The following KCNQ3 variants were observed in gnomAD, a reference collection of about 807,000 sequenced individuals.
KCNQ3 encodes potassium voltage-gated channel subfamily Q member 3, also known as potassium voltage-gated channel subfamily KQT member 3.
A neutral mutation model predicts 92.5 loss-of-function variants in KCNQ3; 30 were observed. The ratio of observed to expected loss-of-function variants is 0.32; its 90% CI spans 0.24 to 0.44. KCNQ3 has a LOEUF of 0.44. Ranked by LOEUF, KCNQ3 falls within the 20% of genes least tolerant of loss-of-function variation. The pLI, the probability that KCNQ3 is intolerant of heterozygous loss-of-function variation, is 1.00. For synonymous variants in KCNQ3, 450 were observed against 468.8 expected, an observed-to-expected ratio of 0.96 and a Z score of 0.52; for missense variants, 913 against 1,140.3, an observed-to-expected ratio of 0.80 and a Z score of 2.87.
intron 1 of KCNQ3, among the ~76,000 whole-genome samples, chr8:132,470,515 T>C (rs780731530): frequency 2.0e-5 from 3 of 152,222 alleles, no homozygotes; most frequent in African/African-American, 4.8e-5. Context: ...CATTTGAAAG[T>C]AAGTTGTAAA....
intron 1 of KCNQ3, among the ~76,000 whole-genome samples, chr8:132,232,901 T>C (rs1284182165): frequency 6.6e-6 from 1 of 152,204 alleles, no homozygotes; most frequent in Non-Finnish European, 1.5e-5. Context: ...CTTTCTCGTA[T>C]ACAGATGGAT....
chr8:132,183,873 G>A (rs992767390), intron 3 of KCNQ3, among the ~76,000 whole-genome samples: 6 of 152,206 alleles, frequency 3.9e-5, no homozygotes, highest in South Asian at 2.1e-4. Flanking sequence ...GTCCCAACCC[G>A]TCTGGAAATG....
At position 132,395,247 on chromosome 8, in the gene KCNQ3, T is replaced by G. The variant is rs1820162520; in HGVS notation, c.386+84900A>C. Among the ~76,000 whole-genome samples the G allele has an allele frequency of 2.0e-5, 3 of 152,198 alleles. No homozygotes were observed. In the South Asian group the frequency reaches 6.2e-4, roughly 32 times the overall value. On this transcript the variant is annotated intron_variant, in intron 1 of 14. Coordinates refer to ENST00000388996, the MANE Select transcript of KCNQ3 (RefSeq NM_004519.4). ...ATGAGCATATCCATCATCTCAAACATTTATGATTTCTTTGTGTTGAGAACA... is the reference window on the plus strand; with the variant it reads ...ATGAGCATATCCATCATCTCAAACAGTTATGATTTCTTTGTGTTGAGAACA...
intron 1 of KCNQ3, among the ~76,000 whole-genome samples, chr8:132,344,975 C>T (rs1818640145): frequency 1.3e-5 from 2 of 152,128 alleles, no homozygotes; most frequent in Non-Finnish European, 2.9e-5. Flanking sequence ...TGACCAGTCT[C>T]TCAAGGTCAA....
At chr8:132,166,681 G>A (rs1826152714) in intron 8 of KCNQ3, among the ~76,000 whole-genome samples, 1 of 152,040 alleles carries the variant, frequency 6.6e-6, no homozygotes, top group Non-Finnish European at 1.5e-5. Context: ...ATTATAATTT[G>A]TAATAAAAAA....
At chr8:132,206,470 C>A (rs1813662560) in intron 1 of KCNQ3, among the ~76,000 whole-genome samples, 1 of 152,192 alleles carries the variant, frequency 6.6e-6, no homozygotes, top group South Asian at 2.1e-4. Context: ...AACTCAGAAC[C>A]TAATAAATCA....
At chr8:132,390,340 C>G (rs1280672494) in intron 1 of KCNQ3, among the ~76,000 whole-genome samples, 1 of 152,160 alleles carries the variant, frequency 6.6e-6, no homozygotes, top group African/African-American at 2.4e-5. Context: ...TAGAAAGGGA[C>G]AGTGCAGCAC....
In KCNQ3 at chr8:132,480,425, G is replaced by GGCC. The variant is rs757208144; in HGVS notation, c.105_107dup (p.Ala36dup). ...GCCCCACTTTCCGCTCCTCGTCGCC[G>GGCC]GCCGCCGCCGCGTCCCCTCCGGCTG... On this transcript the variant is annotated inframe_insertion, in exon 1 of 15. Coordinates refer to ENST00000388996, the MANE Select transcript of KCNQ3 (RefSeq NM_004519.4). 2.4e-5 allele frequency: 35 copies of GGCC among 1,466,542 alleles called. No individual in the cohort carries two copies. Among genetic ancestry groups the GGCC allele is most frequent in the Admixed American group, 8.6e-5 (4 of 46,758 alleles). 90.8% of individuals were successfully genotyped at this position (1,466,542 alleles called of 1,614,324 possible). A position where few individuals can be genotyped will look rare whatever the true frequency, so the allele number is the denominator to read the frequency against.
intron 1 of KCNQ3, among the ~76,000 whole-genome samples, chr8:132,433,932 G>A (rs1452221899): frequency 6.6e-6 from 1 of 151,252 alleles, no homozygotes; most frequent in Non-Finnish European, 1.5e-5. Flanking sequence ...TAATAGGCCG[G>A]GCACGGTGGC....
intron 1 of KCNQ3, among the ~76,000 whole-genome samples, chr8:132,235,241 G>A (rs1814773820): frequency 6.7e-6 from 1 of 149,878 alleles, no homozygotes; most frequent in African/African-American, 2.5e-5. Context: ...GCTCACGCTT[G>A]TAATCCCAGG....
At chr8:132,297,753 G>A (rs1030051324) in intron 1 of KCNQ3, among the ~76,000 whole-genome samples, 10 of 152,242 alleles carry the variant, frequency 6.6e-5, no homozygotes, top group Non-Finnish European at 1.3e-4. Flanking sequence ...GCTGGAGAAG[G>A]CTACATGGCC....
chr8:132,339,427 T>C (rs1818456972), intron 1 of KCNQ3, among the ~76,000 whole-genome samples: 1 of 152,198 alleles, frequency 6.6e-6, no homozygotes, highest in African/African-American at 2.4e-5. Context: ...AATGCTTTGC[T>C]CTTTACCACC....
At chr8:132,363,177 T>A (rs184413437) in intron 1 of KCNQ3, among the ~76,000 whole-genome samples, 195 of 152,186 alleles carry the variant, frequency 1.3e-3, no homozygotes, top group African/African-American at 4.4e-3. Context: ...GCATCTCTGA[T>A]TACTAAGTTC....
chr8:132,221,835 A>C (rs962800932), intron 1 of KCNQ3, among the ~76,000 whole-genome samples: 4 of 152,190 alleles, frequency 2.6e-5, no homozygotes, highest in African/African-American at 9.7e-5. Flanking sequence ...CTATTTAATA[A>C]ACAGTGCTGG....
chr8:132,326,271 T>C (rs1045116357), intron 1 of KCNQ3, among the ~76,000 whole-genome samples: 1 of 152,138 alleles, frequency 6.6e-6, no homozygotes, highest in Non-Finnish European at 1.5e-5. Context: ...AATAAAGGCA[T>C]AGGATTCCTG....
At chr8:132,161,818 G>A (rs1241351871) in intron 9 of KCNQ3, among the ~76,000 whole-genome samples, 1 of 152,154 alleles carries the variant, frequency 6.6e-6, no homozygotes, top group Non-Finnish European at 1.5e-5. Context: ...TTGGTTCCCC[G>A]CCTCCTGCGT....
intron 1 of KCNQ3, among the ~76,000 whole-genome samples, chr8:132,414,337 C>G (rs1366169521): frequency 6.6e-6 from 1 of 152,138 alleles, no homozygotes; most frequent in African/African-American, 2.4e-5. Flanking sequence ...GGGATCCCCT[C>G]TAGCAGAGCT....
intron 1 of KCNQ3, among the ~76,000 whole-genome samples, chr8:132,363,514 A>G (rs977313028): frequency 2.0e-5 from 3 of 152,112 alleles, no homozygotes; most frequent in Admixed American, 1.3e-4. Flanking sequence ...ATATTTACAT[A>G]AAGAAGACCC....
At chr8:132,142,656 G>A (rs1410500366) in intron 9 of KCNQ3, among the ~76,000 whole-genome samples, 2 of 152,196 alleles carry the variant, frequency 1.3e-5, no homozygotes, top group African/African-American at 2.4e-5. Context: ...GCACACAGGA[G>A]GCATTCCCTC....
Sources: gnomAD v4.1 joint callset for allele counts (sites outside exome capture counted in the v4.1 genomes callset) on GRCh38, gnomAD v4.1.1 for gene constraint, MANE v1.5 for transcripts, NCBI Gene and HGNC (gene_info 2026-07-23, HGNC 2026-07-21) for gene names.